Variants in SNTG1 observed in about 807,000 individuals in gnomAD.
SNTG1 encodes gamma-1-syntrophin.
In SNTG1, 39 loss-of-function variants were observed where a neutral mutation model predicts 74.7. That is an observed-to-expected ratio of 0.52 (90% confidence interval 0.40 to 0.68). The LOEUF is 0.68. Among genes scored for constraint, SNTG1 ranks in the 30% least tolerant of loss-of-function variants. The probability of loss-of-function intolerance (pLI) is 0.00; values close to 1 mark genes in which losing one functional copy is unlikely to be tolerated. For missense variants in SNTG1, 685 were observed against 609.5 expected (o/e 1.12, Z -1.30); for synonymous variants, 254 against 217.1 (o/e 1.17, Z -1.49).
At chr8:49,915,881 A>T (rs192476283) in intron 1 of SNTG1, among the ~76,000 whole-genome samples, 4 of 152,308 alleles carry the variant, frequency 2.6e-5, no homozygotes, top group Admixed American at 1.3e-4. Context: ...CCTAGATTTT[A>T]TTCATAGGCC....
At chr8:50,107,204 T>G (rs2080405793) in intron 1 of SNTG1, among the ~76,000 whole-genome samples, 1 of 152,218 alleles carries the variant, frequency 6.6e-6, no homozygotes, top group Admixed American at 6.5e-5. Context: ...TTACCTTTTA[T>G]AAATTCTCAA....
chr8:50,301,604 T>C (rs2089649591), intron 2 of SNTG1, among the ~76,000 whole-genome samples: 1 of 152,174 alleles, frequency 6.6e-6, no homozygotes, highest in Non-Finnish European at 1.5e-5. Flanking sequence ...GACACCTTTC[T>C]ATTTTTAAGC....
chr8:50,102,940 C>T (rs928097422), intron 1 of SNTG1, among the ~76,000 whole-genome samples: 50 of 151,080 alleles, frequency 3.3e-4, no homozygotes, highest in African/African-American at 1.0e-3. Context: ...GGTACCAGTA[C>T]CATGCTGTTT....
chr8:50,317,728 G>A (rs1323660619), intron 2 of SNTG1, among the ~76,000 whole-genome samples: 1 of 152,276 alleles, frequency 6.6e-6, no homozygotes, highest in Admixed American at 6.5e-5. Flanking sequence ...TTATGACATC[G>A]TTTGCCTATT....
intron 18 of SNTG1, among the ~76,000 whole-genome samples, chr8:50,758,137 T>C (rs1475544028): frequency 6.6e-6 from 1 of 151,908 alleles, no homozygotes; most frequent in Non-Finnish European, 1.5e-5. Flanking sequence ...ATACATTGCT[T>C]ATTTGTTCTT....
chr8:50,035,735 C>T (rs894291674), intron 1 of SNTG1, among the ~76,000 whole-genome samples: 6 of 152,104 alleles, frequency 3.9e-5, no homozygotes, highest in Non-Finnish European at 5.9e-5. Flanking sequence ...CAGACCATCA[C>T]GAAGGACCCA....
intron 2 of SNTG1, among the ~76,000 whole-genome samples, chr8:50,303,421 T>C (rs974488048): frequency 4.6e-5 from 7 of 152,046 alleles, no homozygotes; most frequent in African/African-American, 1.7e-4. Context: ...AAATATATTT[T>C]ATGACATATT....
intron 4 of SNTG1, among the ~76,000 whole-genome samples, chr8:50,430,832 G>A (rs1256634612): frequency 6.6e-6 from 1 of 152,188 alleles, no homozygotes; most frequent in Non-Finnish European, 1.5e-5. Flanking sequence ...GGATGGTAAA[G>A]CAGAAATCAA....
chr8:50,660,356 GAA>G (rs1042970179), intron 15 of SNTG1, among the ~76,000 whole-genome samples: 3 of 125,976 alleles, frequency 2.4e-5, no homozygotes, highest in African/African-American at 6.2e-5. Flanking sequence ...AAGAAAGAAA[GAA>G]AGAGAGAGAG....
At chr8:50,222,107 T>C (rs1372362734) in intron 2 of SNTG1, among the ~76,000 whole-genome samples, 1 of 152,126 alleles carries the variant, frequency 6.6e-6, no homozygotes, top group African/African-American at 2.4e-5. Flanking sequence ...GGCAAAAGCC[T>C]GCAAAAGCCA....
intron 4 of SNTG1, among the ~76,000 whole-genome samples, chr8:50,433,301 C>T (rs2093261993): frequency 6.6e-6 from 1 of 151,794 alleles, no homozygotes; most frequent in Non-Finnish European, 1.5e-5. Flanking sequence ...CAAAGATAGT[C>T]CTCTATTTTT....
chr8:50,780,520 G>C (rs2095655875), intron 18 of SNTG1, among the ~76,000 whole-genome samples: 2 of 152,280 alleles, frequency 1.3e-5, no homozygotes, highest in African/African-American at 2.4e-5. Flanking sequence ...TCTGATGGTA[G>C]TTTGTATTTC....
chr8:49,994,136 T>C (rs1563444534), intron 1 of SNTG1, among the ~76,000 whole-genome samples: 1 of 152,104 alleles, frequency 6.6e-6, no homozygotes, highest in Non-Finnish European at 1.5e-5. Flanking sequence ...CTATAAAACT[T>C]ATTTCCTGTA....
At chr8:50,472,078 T>C (rs1201822591) in intron 8 of SNTG1, among the ~76,000 whole-genome samples, 1 of 152,194 alleles carries the variant, frequency 6.6e-6, no homozygotes, top group Admixed American at 6.5e-5. Flanking sequence ...CATCCTATAT[T>C]CATGGACTGG....
At chr8:50,725,265 A>G (rs1508621) in intron 17 of SNTG1, among the ~76,000 whole-genome samples, 85,393 of 152,030 alleles carry the variant, frequency 0.56, 26,124 homozygotes, top group Non-Finnish European at 0.67. Context: ...GCAATCAGTT[A>G]TTCCCATGGT....
rs74778185 is a variant in SNTG1, at chr8:50,729,306, G to A, written c.1284+20328G>A. 2.2e-3 allele frequency among the ~76,000 whole-genome samples: 337 copies of A among 152,192 alleles called. 2 individuals carry two copies. Among genetic ancestry groups the A allele is most frequent in the African/African-American group, 7.7e-3 (321 of 41,532 alleles). ...GAGTCCAAATATAATGTGTAGCCCT[G>A]GATACATGGGATACATGTAAGCATT... On this transcript the variant is annotated intron_variant, in intron 17 of 18. Coordinates refer to ENST00000642720, the MANE Select transcript of SNTG1 (RefSeq NM_018967.5).
chr8:50,516,143 C>T (rs553517292), intron 9 of SNTG1, among the ~76,000 whole-genome samples: 1 of 152,260 alleles, frequency 6.6e-6, no homozygotes, highest in South Asian at 2.1e-4. Context: ...GCTGGTGATA[C>T]CCAGCAAACA....
chr8:50,394,862 TACTA>T (rs1455061126), intron 3 of SNTG1, among the ~76,000 whole-genome samples: 67 of 151,648 alleles, frequency 4.4e-4, no homozygotes, highest in African/African-American at 1.5e-3. Flanking sequence ...TTTTTTTTTT[TACTA>T]AATATGTAAC....
intron 1 of SNTG1, among the ~76,000 whole-genome samples, chr8:50,061,984 T>C (rs1414375294): frequency 1.3e-5 from 2 of 152,160 alleles, no homozygotes; most frequent in Non-Finnish European, 2.9e-5. Context: ...ATCTTCCATA[T>C]CCTTGCTGAT....
Sources: gnomAD v4.1 joint callset for allele counts (sites outside exome capture counted in the v4.1 genomes callset) on GRCh38, gnomAD v4.1.1 for gene constraint, MANE v1.5 for transcripts, NCBI Gene and HGNC (gene_info 2026-07-23, HGNC 2026-07-21) for gene names.